TUT4: variants seen among roughly 807,000 people sequenced by gnomAD.
The protein encoded by TUT4 is terminal uridylyl transferase 4.
Under a neutral mutation model 192.2 loss-of-function variants are expected in TUT4, and 36 were observed. That is an observed-to-expected ratio of 0.19 (90% CI 0.14 to 0.25). TUT4 has a LOEUF of 0.25. Ranked by LOEUF, TUT4 falls within the 10% of genes least tolerant of loss-of-function variation. TUT4 has a pLI of 1.00. For synonymous variants in TUT4, 618 were observed against 666.0 expected, an observed-to-expected ratio of 0.93 and a Z score of 1.11; for missense variants, 1,493 against 1,957.2, an observed-to-expected ratio of 0.76 and a Z score of 4.47.
chr1:52,466,315 A>G (rs1358989584), intron 15 of TUT4, among the ~76,000 whole-genome samples: 1 of 152,090 alleles, frequency 6.6e-6, no homozygotes, highest in Admixed American at 6.6e-5. Context: ...GCTGGGCAAC[A>G]TGGTGAGACT....
chr1:52,550,715 A>C (rs1689219002), intron 1 of TUT4, among the ~76,000 whole-genome samples: 1 of 152,010 alleles, frequency 6.6e-6, no homozygotes, highest in Non-Finnish European at 1.5e-5. Context: ...GACTGATATC[A>C]AACTCCTACG....
chr1:52,444,668 A>G (rs1458889370), intron 24 of TUT4, among the ~76,000 whole-genome samples: 2 of 149,670 alleles, frequency 1.3e-5, no homozygotes, highest in Non-Finnish European at 3.0e-5. Flanking sequence ...TAATTTAATC[A>G]TCTTCCAGTG....
At position 52,544,645 on chromosome 1, in the gene TUT4, T is replaced by C. The variant is rs548683501; in HGVS notation, c.-94+8286A>G. 5.3e-5 allele frequency among the ~76,000 whole-genome samples: 8 copies of C among 152,298 alleles called. 1 individual carries two copies. The East Asian group carries it at 1.3e-3, about 26-fold the overall frequency. On this transcript the variant is annotated intron_variant, in intron 1 of 29. Coordinates refer to ENST00000257177, the MANE Select transcript of TUT4 (RefSeq NM_001009881.3). ...GGGAAAAGCTTCATGACACTGGAGT[T>C]GGCAATTATTTGTTGAGTATGACAC...
rs148953187 is a variant in TUT4, at chr1:52,515,692, C to T, written c.882+199G>A. 2.0e-3 allele frequency: 1,330 copies of T among 660,936 alleles called. 12 individuals carry two copies. In the African/African-American group the frequency reaches 0.022, roughly 11 times the overall value. The allele number at this position is 660,936 out of a possible 1,614,324, so 40.9% of individuals were successfully genotyped here. The stretch of plus-strand genomic sequence containing the variant: ...CTTGGGATGAATGAAGTCAGACTCA[C>T]AGATAATAAGTAACTGCTGAAAAAG... On this transcript the variant is annotated intron_variant, in intron 3 of 29. Coordinates refer to ENST00000257177, the MANE Select transcript of TUT4 (RefSeq NM_001009881.3).
intron 9 of TUT4, among the ~76,000 whole-genome samples, chr1:52,483,822 C>A (rs1396250025): frequency 6.6e-6 from 1 of 151,854 alleles, no homozygotes; most frequent in East Asian, 1.9e-4. Context: ...TATACATTTT[C>A]TTCATTAAGT....
chr1:52,469,592 T>C (rs1209304065), intron 14 of TUT4, among the ~76,000 whole-genome samples: 1 of 152,006 alleles, frequency 6.6e-6, no homozygotes, highest in Non-Finnish European at 1.5e-5. Flanking sequence ...TTAATACAGA[T>C]AAGATGGCTA....
Position 52,438,410 on chromosome 1 carries a change from T to C in TUT4, c.3823-75A>G, listed in dbSNP as rs193188471. The C allele has an allele frequency of 3.7e-5, 36 of 960,650 alleles. No homozygotes were observed. In the African/African-American group the frequency reaches 5.1e-4, roughly 14 times the overall value. The allele number at this position is 960,650 out of a possible 1,614,324, so 59.5% of individuals were successfully genotyped here. ...AATCCAAATGGAAAGAAGACCAAGA[T>C]GCAAACATGGTTTATTTTTACAAAG... On this transcript the variant is annotated intron_variant, in intron 24 of 29. Coordinates refer to ENST00000257177, the MANE Select transcript of TUT4 (RefSeq NM_001009881.3).
chr1:52,469,704 CACAGT>C (rs1461617777), intron 14 of TUT4, among the ~76,000 whole-genome samples: 1 of 151,968 alleles, frequency 6.6e-6, no homozygotes, highest in Non-Finnish European at 1.5e-5. Context: ...TCCTGGCTAA[CACAGT>C]GAAACCCTGT....
intron 13 of TUT4, among the ~76,000 whole-genome samples, chr1:52,474,390 A>G (rs942382504): frequency 1.3e-5 from 2 of 152,182 alleles, no homozygotes; most frequent in African/African-American, 2.4e-5. Flanking sequence ...TAGTATGCTT[A>G]TATTTCCCCC....
chr1:52,424,149 G>C, intron 29 of TUT4, 147 bp from the exon 30 acceptor site: 1 of 753,624 alleles, frequency 1.3e-6, no homozygotes, highest in Non-Finnish European at 2.1e-6. Context: ...TGAGAGGGTG[G>C]GGAGAAAAAT....
chr1:52,423,941 C>G lies in TUT4; in HGVS notation c.4932G>C (p.Ser1644=). The part of the protein sequence containing the change: ...RCPHPPRGNV[S]E ...GAAAGAAAATGGACTCGCATTACTC[C>G]GACACGTTTCCTCTTGGTGGGTGGG... The change falls in exon 30 of 30, where the codon TCG becomes TCC. Residue 1644 remains serine (S), a synonymous_variant. Transcript: ENST00000257177. 1 of 1,613,018 alleles carries G rather than the reference C, an allele frequency of 6.2e-7. No individual in the cohort carries two copies. The highest frequency in any genetic ancestry group is 2.2e-5 in the East Asian group (1 of 44,818).
chr1:52,430,748 C>T (rs1651801865), intron 28 of TUT4, among the ~76,000 whole-genome samples: 1 of 152,202 alleles, frequency 6.6e-6, no homozygotes. Context: ...TTAACATTTA[C>T]AACATCCCTG....
At chr1:52,469,446 T>A (rs1022622339) in intron 14 of TUT4, among the ~76,000 whole-genome samples, 1 of 152,140 alleles carries the variant, frequency 6.6e-6, no homozygotes, top group Non-Finnish European at 1.5e-5. Context: ...GCTATACATA[T>A]GTACTAAAAT....
At chr1:52,516,095 T>C (rs781743177) in intron 2 of TUT4, 41 bp from the exon 3 acceptor site, 2 of 1,463,280 alleles carry the variant, frequency 1.4e-6, no homozygotes, top group Admixed American at 2.1e-5. Context: ...TCAGAACTGG[T>C]AAATTTTTAA....
intron 5 of TUT4, among the ~76,000 whole-genome samples, chr1:52,496,414 C>A (rs1672450886): frequency 6.6e-6 from 1 of 151,798 alleles, no homozygotes; most frequent in African/African-American, 2.4e-5. Flanking sequence ...TCTTATAAAT[C>A]TCAAAATGGA....
intron 5 of TUT4, 49 bp downstream of exon 5, chr1:52,496,957 A>C (rs985581359): frequency 6.4e-7 from 1 of 1,556,644 alleles, no homozygotes; most frequent in African/African-American, 1.4e-5. Context: ...AAGAGGAGCA[A>C]GGGAAGAGTT....
intron 13 of TUT4, 51 bp from the exon 14 acceptor site, chr1:52,472,153 A>G (rs764213123): frequency 6.5e-7 from 1 of 1,544,750 alleles, no homozygotes; most frequent in Non-Finnish European, 8.8e-7. Flanking sequence ...GAGGGACTTC[A>G]TCACTTAGGA....
Position 52,525,622 on chromosome 1 carries a change from T to G in TUT4, c.659A>C (p.Asp220Ala). ...ACTATCATCAGAATCACCAGTATTA[T>G]CTGTACATGTCTGTTGCTTCTGAGA... Reference protein sequence around the residue: ...PRSQKQQTCTDNTGDSDDSAS... With the variant: ...PRSQKQQTCTANTGDSDDSAS... The change falls in exon 2 of 30, where the codon GAT (aspartate) becomes GCT (alanine). Residue 220 changes from aspartate to alanine, a missense_variant. Physicochemically the swap from Asp to Ala is moderately radical, Grantham distance 126. Transcript: ENST00000257177. 6.2e-7 allele frequency: 1 copy of G among 1,614,138 alleles called. No individual in the cohort carries two copies. Among genetic ancestry groups the G allele is most frequent in the Non-Finnish European group, 8.5e-7 (1 of 1,180,020 alleles).
At chr1:52,495,392 T>C in intron 6 of TUT4, 35 bp downstream of exon 6, 1 of 1,370,460 alleles carries the variant, frequency 7.3e-7, no homozygotes, top group Non-Finnish European at 1.0e-6. Flanking sequence ...TAAGTACTAG[T>C]TAAGAACCAC....
Sources: allele counts gnomAD v4.1 joint callset (sites outside exome capture counted in the v4.1 genomes callset), GRCh38; gene constraint gnomAD v4.1.1; transcripts MANE v1.5; gene names NCBI Gene and HGNC (gene_info 2026-07-23, HGNC 2026-07-21).